Variants in ZNF184 observed in about 807,000 individuals in gnomAD.
ZNF184 encodes zinc finger protein 184, also known as zinc finger protein 184 (Kruppel-like).
Under a neutral mutation model 54.4 loss-of-function variants are expected in ZNF184, and 16 were observed. The ratio of observed to expected loss-of-function variants is 0.29; its 90% CI spans 0.20 to 0.45. The LOEUF is 0.45. ZNF184 is among the 20% of genes least tolerant of loss of function. The pLI, the probability that ZNF184 is intolerant of heterozygous loss-of-function variation, is 1.00. For synonymous variants in ZNF184, 254 were observed against 295.3 expected (o/e 0.86, Z 1.43); for missense variants, 681 against 888.2 (o/e 0.77, Z 2.97).
At chr6:27,418,483 G>A in the ZNF184 span, among the ~76,000 whole-genome samples, 2 of 152,020 alleles carry the variant, frequency 1.3e-5, no homozygotes, top group Non-Finnish European at 2.9e-5. Context: ...ATTTGTATTC[G>A]ACTTACAGTA....
At chr6:27,469,646 C>CA (rs11352340) in intron 2 of ZNF184, among the ~76,000 whole-genome samples, 28 of 148,218 alleles carry the variant, frequency 1.9e-4, no homozygotes, top group Middle Eastern at 3.5e-3. Flanking sequence ...GTCTCAAAAA[C>CA]AAAAAAAAAA....
chr6:27,453,336 T>A lies in ZNF184; in HGVS notation c.299-76A>T. On this transcript the variant is annotated intron_variant, in intron 5 of 5. Transcript: ENST00000683788. The surrounding 1 kb of genome is among the most constrained non-coding windows in gnomAD (Gnocchi z 4.7). ...TGCTATTGTGGGAATAATATAATGATACTGAAAAATAAATCTCTCAGAAAA... is the reference window on the plus strand; with the variant it reads ...TGCTATTGTGGGAATAATATAATGAAACTGAAAAATAAATCTCTCAGAAAA... 7.5e-7 allele frequency: 1 copy of A among 1,337,172 alleles called. No homozygotes were observed. Among genetic ancestry groups the A allele is most frequent in the Non-Finnish European group, 9.9e-7 (1 of 1,010,084 alleles). 82.8% of individuals were successfully genotyped at this position (1,337,172 alleles called of 1,614,324 possible).
the ZNF184 span, chr6:27,406,231 G>A: frequency 6.6e-6 from 1 of 152,234 alleles, no homozygotes; most frequent in Non-Finnish European, 1.5e-5. Context: ...CACCATCCCA[G>A]TTCTGTTGTC....
intron 5 of ZNF184, among the ~76,000 whole-genome samples, chr6:27,454,694 C>G (rs1005610060): frequency 6.6e-6 from 1 of 152,124 alleles, no homozygotes; most frequent in Non-Finnish European, 1.5e-5. Flanking sequence ...GTCATGTCCT[C>G]TACTCAATAA....
At chr6:27,471,179 T>C (rs559460402) in intron 2 of ZNF184, among the ~76,000 whole-genome samples, 7 of 152,212 alleles carry the variant, frequency 4.6e-5, no homozygotes, top group African/African-American at 9.6e-5. Context: ...CTTACCCTGA[T>C]CTGTTCAATG....
intron 3 of ZNF184, among the ~76,000 whole-genome samples, chr6:27,461,153 T>A (rs1762985002): frequency 6.6e-6 from 1 of 152,120 alleles, no homozygotes; most frequent in Non-Finnish European, 1.5e-5. Flanking sequence ...GCCAATGTGA[T>A]CAGCAACCTT....
At chr6:27,407,550 A>C in the ZNF184 span, 4 of 448,656 alleles carry the variant, frequency 8.9e-6, no homozygotes, top group Non-Finnish European at 1.6e-5. Context: ...CAGTGTCAGC[A>C]GGACAATTAT....
At chr6:27,411,280 A>G in the ZNF184 span, among the ~76,000 whole-genome samples, 1 of 152,200 alleles carries the variant, frequency 6.6e-6, no homozygotes, top group African/African-American at 2.4e-5. Flanking sequence ...ATGAGTTCTC[A>G]TGATTTAATC....
chr6:27,429,561 C>T, the ZNF184 span, among the ~76,000 whole-genome samples: 3 of 152,098 alleles, frequency 2.0e-5, no homozygotes, highest in Non-Finnish European at 4.4e-5. Flanking sequence ...GCCTGGTGCC[C>T]CCAACCTGAA....
chr6:27,429,314 C>T, the ZNF184 span, among the ~76,000 whole-genome samples: 1 of 152,186 alleles, frequency 6.6e-6, no homozygotes, highest in Admixed American at 6.5e-5. Context: ...TTGTTGTATT[C>T]ATCATATTGG....
chr6:27,461,896 G>C (rs1247182838), intron 3 of ZNF184, among the ~76,000 whole-genome samples: 1 of 152,204 alleles, frequency 6.6e-6, no homozygotes, highest in Non-Finnish European at 1.5e-5. Context: ...TCCCTCTTGA[G>C]TATTCAGAAA....
chr6:27,461,285 C>G (rs1406797513), intron 3 of ZNF184, among the ~76,000 whole-genome samples: 2 of 152,128 alleles, frequency 1.3e-5, no homozygotes, highest in African/African-American at 4.8e-5. Context: ...GACTCAGAAG[C>G]CTGTACCTGA....
the ZNF184 span, among the ~76,000 whole-genome samples, chr6:27,424,772 A>AC: frequency 1.3e-5 from 2 of 152,194 alleles, no homozygotes; most frequent in African/African-American, 2.4e-5. Flanking sequence ...CACCCAGTGG[A>AC]CCCCGCGCTG....
the ZNF184 span, among the ~76,000 whole-genome samples, chr6:27,430,179 T>C: frequency 6.6e-6 from 1 of 152,232 alleles, no homozygotes; most frequent in Non-Finnish European, 1.5e-5. Context: ...GGATTTTATC[T>C]TCTGCATTTA....
the ZNF184 span, among the ~76,000 whole-genome samples, chr6:27,419,061 C>T: frequency 2.0e-5 from 3 of 151,614 alleles, no homozygotes; most frequent in African/African-American, 4.8e-5. This position sits in a 1 kb window ranked among gnomAD's most constrained non-coding sequence, Gnocchi z 4.8. Context: ...TCTATATTCA[C>T]GGCTAATTTT....
At chr6:27,468,199 A>T (rs1426982109) in intron 2 of ZNF184, among the ~76,000 whole-genome samples, 1 of 152,180 alleles carries the variant, frequency 6.6e-6, no homozygotes, top group Non-Finnish European at 1.5e-5. Context: ...AATGAGGCAA[A>T]CTATTTCTGC....
the ZNF184 span, among the ~76,000 whole-genome samples, chr6:27,430,295 T>C: frequency 6.6e-6 from 1 of 152,144 alleles, no homozygotes; most frequent in Non-Finnish European, 1.5e-5. Context: ...TGAACTGTTT[T>C]AACTGCATAG....
At chr6:27,422,230 T>C in the ZNF184 span, among the ~76,000 whole-genome samples, 1 of 131,754 alleles carries the variant, frequency 7.6e-6, no homozygotes, top group Non-Finnish European at 1.6e-5. Context: ...AGAAAAGAAA[T>C]TCAGAGACCA....
chr6:27,411,414 G>A, the ZNF184 span, among the ~76,000 whole-genome samples: 5,433 of 152,218 alleles, frequency 0.036, 204 homozygotes, highest in African/African-American at 0.095. Context: ...GACTAGATAC[G>A]GGCAAGGGAC....
Sources: allele counts gnomAD v4.1 joint callset (sites outside exome capture counted in the v4.1 genomes callset), GRCh38; gene constraint gnomAD v4.1.1; non-coding constraint Gnocchi (gnomAD v3.1); transcripts MANE v1.5; gene names NCBI Gene and HGNC (gene_info 2026-07-23, HGNC 2026-07-21).